Variants in DMXL2 observed in about 807,000 individuals in gnomAD.
DMXL2 encodes the protein dmX-like protein 2.
DMXL2 carries 103 observed loss-of-function variants against 331.1 expected under a neutral mutation model. That is an observed-to-expected ratio of 0.31 (90% CI 0.27 to 0.37). The LOEUF is 0.37. DMXL2 is among the 10% of genes least tolerant of loss of function. The pLI, the probability that DMXL2 is intolerant of heterozygous loss-of-function variation, is 1.00. For missense variants in DMXL2, 3,171 were observed against 3,642.9 expected (o/e 0.87, Z 3.33); for synonymous variants, 1,281 against 1,252.1 (o/e 1.02, Z -0.49).
chr15:51,455,306 T>C, intron 39 of DMXL2, 78 bp from the exon 40 acceptor site: 1 of 1,172,480 alleles, frequency 8.5e-7, no homozygotes, highest in East Asian at 2.4e-5. Flanking sequence ...GAAGATTCAC[T>C]AAGGCCCTAC....
intron 1 of DMXL2, among the ~76,000 whole-genome samples, chr15:51,597,894 C>T (rs2052941426): frequency 1.3e-5 from 2 of 152,172 alleles, no homozygotes; most frequent in African/African-American, 4.8e-5. Flanking sequence ...TATTAATGAG[C>T]TATGGCTCCT....
intron 17 of DMXL2, among the ~76,000 whole-genome samples, chr15:51,501,090 T>G (rs2043561215): frequency 6.6e-6 from 1 of 152,148 alleles, no homozygotes; most frequent in South Asian, 2.1e-4. Flanking sequence ...TATTTGAGTA[T>G]AACCCAAACC....
In DMXL2 at chr15:51,460,354, G is replaced by A. The variant is rs142101541; in HGVS notation, c.7927-694C>T. The A allele has an allele frequency of 4.9e-4, 487 of 985,372 alleles. 3 individuals are homozygous for A. The African/African-American group carries it at 8.0e-3, about 16-fold the overall frequency. 61.0% of individuals were successfully genotyped at this position (985,372 alleles called of 1,614,324 possible). A position where few individuals can be genotyped will look rare whatever the true frequency, so the allele number is the denominator to read the frequency against. On this transcript the variant is annotated intron_variant, in intron 33 of 43. Transcript: ENST00000560891. ...TTCAAATTTTCTGCCCATGCCTCCA[G>A]GGACTCCCCTATGGCTGCTGCAGCT... is the stretch of plus-strand genomic sequence containing the variant.
At chr15:51,613,159 G>A (rs2054086307) in intron 1 of DMXL2, among the ~76,000 whole-genome samples, 1 of 152,018 alleles carries the variant, frequency 6.6e-6, no homozygotes, top group African/African-American at 2.4e-5. Flanking sequence ...ATCATCACAG[G>A]GTCCTGAGGA....
At chr15:51,538,099 C>A in intron 10 of DMXL2, 114 bp downstream of exon 10, 2 of 1,342,562 alleles carry the variant, frequency 1.5e-6, no homozygotes, top group Non-Finnish European at 2.0e-6. Flanking sequence ...ACTTGTGTAA[C>A]AAATAGAAAA....
chr15:51,555,546 A>T lies in DMXL2; in HGVS notation c.567+7835T>A, dbSNP rs189415217. The stretch of plus-strand genomic sequence containing the variant: ...CAGTAACAACTAAGCAGGGGTAGCC[A>T]GAGTTAAAAACAGGCAGAGTACAGA... On this transcript the variant is annotated intron_variant, in intron 6 of 43. Coordinates refer to ENST00000560891, the MANE Select transcript of DMXL2 (RefSeq NM_001378457.1). 3.7e-3 allele frequency among the ~76,000 whole-genome samples: 561 copies of T among 152,358 alleles called. 6 individuals are homozygous for T. The highest frequency in any genetic ancestry group is 0.013 in the African/African-American group (537 of 41,580).
intron 13 of DMXL2, among the ~76,000 whole-genome samples, chr15:51,530,587 T>TAAA (rs550510463): frequency 7.5e-5 from 9 of 120,228 alleles, no homozygotes; most frequent in African/African-American, 2.7e-4. Flanking sequence ...CCATCTCTAC[T>TAAA]AAAAAAAAAA....
intron 3 of DMXL2, chr15:51,567,235 G>C (rs1363458885): frequency 2.6e-5 from 4 of 151,924 alleles, no homozygotes; most frequent in Admixed American, 2.6e-4. Flanking sequence ...TAGACACGGG[G>C]TTTCACCATG....
chr15:51,609,309 T>C (rs1403159140), intron 1 of DMXL2, among the ~76,000 whole-genome samples: 1 of 152,226 alleles, frequency 6.6e-6, no homozygotes, highest in Non-Finnish European at 1.5e-5. Context: ...TTACATTAAG[T>C]ATAAATGAAG....
intron 1 of DMXL2, among the ~76,000 whole-genome samples, chr15:51,588,586 T>G (rs549119051): frequency 6.6e-6 from 1 of 152,358 alleles, no homozygotes; most frequent in African/African-American, 2.4e-5. Flanking sequence ...TATGACAACT[T>G]CAAATTATTT....
chr15:51,577,245 A>T (rs1409219395), intron 1 of DMXL2, among the ~76,000 whole-genome samples: 1 of 152,160 alleles, frequency 6.6e-6, no homozygotes, highest in Admixed American at 6.6e-5. Context: ...AGAGATATCC[A>T]ATAGCCAGGG....
chr15:51,569,386 G>A (rs772755660), intron 2 of DMXL2, among the ~76,000 whole-genome samples: 20 of 152,034 alleles, frequency 1.3e-4, no homozygotes, highest in Admixed American at 1.3e-4. Flanking sequence ...GGGAAGGGGC[G>A]GCTGCAGGCA....
Position 51,476,570 on chromosome 15 carries a change from TA to T in DMXL2, c.6964+18del. ...TGCCAACTAGAAGATTTTTTTTTTT[TA>T]ATCATTTAAATTCTCACCAGGCCAT... On this transcript the variant is annotated intron_variant, in intron 27 of 43. Coordinates refer to ENST00000560891, the MANE Select transcript of DMXL2 (RefSeq NM_001378457.1). 1.9e-6 allele frequency: 3 copies of T among 1,589,860 alleles called. No individual in the cohort carries two copies. In the Admixed American group the frequency reaches 5.6e-5, roughly 30 times the overall value.
chr15:51,506,360 T>A (rs905842389), intron 16 of DMXL2, among the ~76,000 whole-genome samples: 4 of 151,726 alleles, frequency 2.6e-5, no homozygotes, highest in East Asian at 3.9e-4. Context: ...ACCATGCCCA[T>A]GCCCAGCCTG....
In DMXL2 at chr15:51,547,419, C is replaced by A; in HGVS notation, c.568-11G>T. 6.4e-7 allele frequency: 1 copy of A among 1,557,702 alleles called. No individual in the cohort carries two copies. The stretch of plus-strand genomic sequence containing the variant: ...CAAAAGACAATCATCCTGAAAAATA[C>A]ATAGGTCAATATAAAATTAATTTGT... On this transcript the variant is annotated splice_polypyrimidine_tract_variant and intron_variant, in intron 6 of 43. Coordinates refer to ENST00000560891, the MANE Select transcript of DMXL2 (RefSeq NM_001378457.1).
rs2050137896 is a variant in DMXL2 at position 51,564,278 on chromosome 15, T to C, written c.365-18A>G. The stretch of plus-strand genomic sequence containing the variant: ...TCTATTATCTGAAAATTAAAGAATG[T>C]TATGATGAATATGCAAATATTATAT... On this transcript the variant is annotated intron_variant, in intron 4 of 43. Transcript: ENST00000560891. 1 of 1,548,456 alleles carries C rather than the reference T, an allele frequency of 6.5e-7. No homozygotes were observed. Among genetic ancestry groups the C allele is most frequent in the African/African-American group, 1.4e-5 (1 of 71,234 alleles).
chr15:51,450,414 T>G, intron 42 of DMXL2, 68 bp from the exon 43 acceptor site: 3 of 1,453,182 alleles, frequency 2.1e-6, no homozygotes, highest in Non-Finnish European at 2.9e-6. Context: ...GATGTCTACA[T>G]CCACATTTAA....
rs141171081 is a variant in DMXL2, at chr15:51,460,109, T to C, written c.7927-449A>G. 2.2e-3 allele frequency: 2,077 copies of C among 944,518 alleles called. 30 individuals carry two copies. The African/African-American group carries it at 0.035, about 16-fold the overall frequency. 58.5% of individuals were successfully genotyped at this position (944,518 alleles called of 1,614,324 possible). On this transcript the variant is annotated intron_variant, in intron 33 of 43. Coordinates refer to ENST00000560891, the MANE Select transcript of DMXL2 (RefSeq NM_001378457.1). ...AATTATTTCACTCTTATAAGGAATA[T>C]GATGATTTTTCTCTAAGTAAATAAA...
At chr15:51,544,336 CTT>C (rs1474681107) in intron 8 of DMXL2, among the ~76,000 whole-genome samples, 3 of 152,292 alleles carry the variant, frequency 2.0e-5, no homozygotes, top group African/African-American at 7.2e-5. Context: ...GCAACTCTCT[CTT>C]GTTCCTGCTT....
Sources: gnomAD v4.1 joint callset for allele counts (sites outside exome capture counted in the v4.1 genomes callset) on GRCh38, gnomAD v4.1.1 for gene constraint, MANE v1.5 for transcripts, NCBI Gene and HGNC (gene_info 2026-07-23, HGNC 2026-07-21) for gene names.